ARID1B: variants seen among roughly 807,000 people sequenced by gnomAD.
ARID1B encodes the protein AT-rich interactive domain-containing protein 1B.
A neutral mutation model predicts 212.3 loss-of-function variants in ARID1B; 30 were observed. The ratio of observed to expected loss-of-function variants is 0.14; its 90% CI spans 0.11 to 0.19. The LOEUF (loss-of-function observed/expected upper bound fraction) is 0.19, where lower values mean the gene tolerates loss of function less well. Among genes scored for constraint, ARID1B ranks in the 10% least tolerant of loss-of-function variants. The pLI is 1.00. For missense variants in ARID1B, 2,891 were observed against 3,204.0 expected (o/e 0.90, Z 2.36); for synonymous variants, 1,402 against 1,301.7 (o/e 1.08, Z -1.66).
At chr6:157,012,064 A>G (rs1779646428) in intron 4 of ARID1B, among the ~76,000 whole-genome samples, 1 of 152,268 alleles carries the variant, frequency 6.6e-6, no homozygotes, top group Non-Finnish European at 1.5e-5. Context: ...GACTGTTTCA[A>G]GTACTGTTCA....
At chr6:156,881,650 T>C (rs1787106297) in intron 2 of ARID1B, among the ~76,000 whole-genome samples, 1 of 152,236 alleles carries the variant, frequency 6.6e-6, no homozygotes, top group South Asian at 2.1e-4. Flanking sequence ...TGATACATAC[T>C]GGTGGATCTC....
chr6:157,006,170 G>T (rs1779242745), intron 4 of ARID1B, among the ~76,000 whole-genome samples: 1 of 152,210 alleles, frequency 6.6e-6, no homozygotes, highest in Non-Finnish European at 1.5e-5. Flanking sequence ...AGGGAACTAA[G>T]ATCTAGAGAC....
intron 2 of ARID1B, among the ~76,000 whole-genome samples, chr6:156,886,434 CT>C (rs775565390): frequency 3.3e-5 from 5 of 152,182 alleles, no homozygotes; most frequent in Non-Finnish European, 7.4e-5. Context: ...TATTCAGCTT[CT>C]TTTCCCACCC....
At chr6:157,074,490 G>T (rs533084800) in intron 4 of ARID1B, among the ~76,000 whole-genome samples, 1 of 152,276 alleles carries the variant, frequency 6.6e-6, no homozygotes, top group South Asian at 2.1e-4. Context: ...CTCCCAAAGT[G>T]CTAGGATTAC....
At chr6:157,155,004 A>G (rs985783514) in intron 8 of ARID1B, among the ~76,000 whole-genome samples, 14 of 152,088 alleles carry the variant, frequency 9.2e-5, no homozygotes, top group African/African-American at 3.4e-4. Context: ...AGTAACGAGT[A>G]TCTTCGTGGA....
intron 4 of ARID1B, among the ~76,000 whole-genome samples, chr6:157,021,055 C>CGCG (rs1216893195): frequency 2.8e-5 from 4 of 143,086 alleles, no homozygotes; most frequent in Non-Finnish European, 4.6e-5. Context: ...CGGATGCCTG[C>CGCG]GCGGCGGCGG....
At chr6:156,939,486 G>A (rs1792502198) in intron 4 of ARID1B, 2 of 151,882 alleles carry the variant, frequency 1.3e-5, no homozygotes, top group Non-Finnish European at 1.5e-5. Flanking sequence ...GCTTTTCATG[G>A]TATTTATTAT....
At chr6:156,784,295 G>A (rs996829368) in intron 1 of ARID1B, among the ~76,000 whole-genome samples, 7 of 152,144 alleles carry the variant, frequency 4.6e-5, no homozygotes, top group Non-Finnish European at 7.3e-5. Flanking sequence ...GTTCCCTGTC[G>A]TGTCCGGGAG....
At chr6:157,091,584 T>A (rs1022746946) in intron 5 of ARID1B, among the ~76,000 whole-genome samples, 10 of 152,214 alleles carry the variant, frequency 6.6e-5, no homozygotes, top group Admixed American at 3.9e-4. Flanking sequence ...CAGGAAGGAT[T>A]CCAGTGAGAG....
chr6:157,181,791 C>T (rs147953919), intron 12 of ARID1B, among the ~76,000 whole-genome samples: 33 of 152,276 alleles, frequency 2.2e-4, no homozygotes, highest in African/African-American at 6.5e-4. Flanking sequence ...CCCCAGGCAC[C>T]GGCTTTCCTC....
At chr6:156,786,219 G>A (rs970702680) in intron 1 of ARID1B, among the ~76,000 whole-genome samples, 1 of 151,610 alleles carries the variant, frequency 6.6e-6, no homozygotes, top group Non-Finnish European at 1.5e-5. Context: ...TTCTGTGTTT[G>A]AAGTTTCTGG....
At chr6:157,196,844 C>T (rs533252743) in intron 16 of ARID1B, among the ~76,000 whole-genome samples, 46 of 152,328 alleles carry the variant, frequency 3.0e-4, no homozygotes, top group African/African-American at 1.1e-3. Flanking sequence ...TAATAAACAT[C>T]TCTAGAAAAC....
intron 4 of ARID1B, among the ~76,000 whole-genome samples, chr6:157,077,102 A>AT (rs1471346314): frequency 3.3e-5 from 5 of 152,226 alleles, no homozygotes; most frequent in African/African-American, 1.2e-4. Flanking sequence ...GATCCTTAAA[A>AT]TTATTGCAAT....
At chr6:157,054,715 C>T (rs1782829379) in intron 4 of ARID1B, among the ~76,000 whole-genome samples, 1 of 152,186 alleles carries the variant, frequency 6.6e-6, no homozygotes, top group African/African-American at 2.4e-5. Context: ...CCTAGGCCTA[C>T]TTACTAGATG....
chr6:156,923,287 A>G (rs1582956322), intron 3 of ARID1B, among the ~76,000 whole-genome samples: 1 of 152,226 alleles, frequency 6.6e-6, no homozygotes, highest in East Asian at 1.9e-4. Context: ...ATAACACTGT[A>G]TTTAATCAAC....
At chr6:156,842,691 AT>A (rs1263794940) in intron 2 of ARID1B, among the ~76,000 whole-genome samples, 2 of 152,130 alleles carry the variant, frequency 1.3e-5, no homozygotes, top group Non-Finnish European at 2.9e-5. Flanking sequence ...GTGCCAAACC[AT>A]TTTCCATAGT....
At chr6:157,024,913 A>G (rs953156592) in intron 4 of ARID1B, among the ~76,000 whole-genome samples, 2 of 152,234 alleles carry the variant, frequency 1.3e-5, no homozygotes, top group African/African-American at 4.8e-5. Flanking sequence ...TATAGTGATG[A>G]TGTGTTAAGT....
intron 3 of ARID1B, among the ~76,000 whole-genome samples, chr6:156,915,059 A>C (rs1562482044): frequency 6.6e-6 from 1 of 152,228 alleles, no homozygotes; most frequent in Non-Finnish European, 1.5e-5. Flanking sequence ...TCATTCAAAA[A>C]ATCTTTTTTA....
At chr6:156,878,542 C>T (rs1786775795) in intron 2 of ARID1B, among the ~76,000 whole-genome samples, 1 of 152,194 alleles carries the variant, frequency 6.6e-6, no homozygotes, top group Admixed American at 6.5e-5. Flanking sequence ...CTTTGTATTA[C>T]TGGCTAATGA....
Sources: gnomAD v4.1 joint callset for allele counts (sites outside exome capture counted in the v4.1 genomes callset) on GRCh38, gnomAD v4.1.1 for gene constraint, MANE v1.5 for transcripts, NCBI Gene and HGNC (gene_info 2026-07-23, HGNC 2026-07-21) for gene names.